Variants in UNC5A observed in about 807,000 individuals in gnomAD.
UNC5A encodes the protein unc-5 netrin receptor A.
A neutral mutation model predicts 87.4 loss-of-function variants in UNC5A; 20 were observed. The observed-to-expected ratio is 0.23, with a 90% CI of 0.16 to 0.33. The LOEUF (loss-of-function observed/expected upper bound fraction) is 0.33, where lower values mean the gene tolerates loss of function less well. UNC5A is among the 10% of genes least tolerant of loss of function. The pLI is 1.00. For missense variants in UNC5A, 844 were observed against 1,133.4 expected (o/e 0.74, Z 3.67); for synonymous variants, 438 against 482.3 (o/e 0.91, Z 1.20).
intron 1 of UNC5A, among the ~76,000 whole-genome samples, chr5:176,812,030 C>T (rs527266272): frequency 1.6e-4 from 25 of 152,232 alleles, no homozygotes; most frequent in Non-Finnish European, 3.5e-4. Flanking sequence ...CCTGACCGCC[C>T]GCCCCATCCT....
Position 176,875,664 on chromosome 5 carries a change from C to A in UNC5A, c.1378+1098C>A, listed in dbSNP as rs1216146514. On this transcript the variant is annotated intron_variant, in intron 8 of 14. Coordinates refer to ENST00000329542, the MANE Select transcript of UNC5A (RefSeq NM_133369.3). The surrounding 1 kb of genome is among the most constrained non-coding windows in gnomAD (Gnocchi z 5.2). Reference sequence around the variant, plus strand: ...CGAATCCCTTCTGGGCTCCCCTCTGCCCCCTGCAAAGCCCACATGATACCA... The same window carrying A: ...CGAATCCCTTCTGGGCTCCCCTCTGACCCCTGCAAAGCCCACATGATACCA... Among the ~76,000 whole-genome samples the A allele has an allele frequency of 1.3e-5, 2 of 152,220 alleles. No individual in the cohort carries two copies. The highest frequency in any genetic ancestry group is 2.9e-5 in the Non-Finnish European group (2 of 68,032).
chr5:176,826,636 C>CTTTTTTTTTTTTTTTTTTT (rs34466725), intron 1 of UNC5A, among the ~76,000 whole-genome samples: 1 of 72,744 alleles, frequency 1.4e-5, no homozygotes, highest in African/African-American at 4.5e-5. Flanking sequence ...AGTTTCCAAA[C>CTTTTTTTTTTTTTTTTTTT]TTTTTTTTTT....
intron 1 of UNC5A, among the ~76,000 whole-genome samples, chr5:176,818,136 T>C (rs1362581640): frequency 6.6e-6 from 1 of 152,192 alleles, no homozygotes; most frequent in African/African-American, 2.4e-5. Context: ...CCGGGCCCCC[T>C]GAGAAGTGGG....
At position 176,868,264 on chromosome 5, in the gene UNC5A, C is replaced by G. The variant is rs1396753722; in HGVS notation, c.427C>G (p.Arg143Gly). 6.2e-7 allele frequency: 1 copy of G among 1,613,294 alleles called. No individual in the cohort carries two copies. The highest frequency in any genetic ancestry group is 1.3e-5 in the African/African-American group (1 of 74,852). Residue 143 changes from arginine to glycine, a missense_variant, in exon 3 of 15, where the codon CGC becomes GGC. Physicochemically the swap from Arg to Gly is moderately radical, Grantham distance 125. Coordinates refer to ENST00000329542, the MANE Select transcript of UNC5A (RefSeq NM_133369.3). ...CACCAAGAGTCAGAAGGCCTACATC[C>G]GCATAGCCTGTGAGTCTAGGGCTGG... Reference protein sequence around the residue: ...GTTKSQKAYIRIAYLRKNFEQ... With the variant: ...GTTKSQKAYIGIAYLRKNFEQ...
intron 1 of UNC5A, among the ~76,000 whole-genome samples, chr5:176,851,152 A>G (rs1233498414): frequency 6.6e-6 from 1 of 152,250 alleles, no homozygotes; most frequent in East Asian, 1.9e-4. Flanking sequence ...GCAGGAACCC[A>G]TCGCTCTCGA....
Position 176,866,807 on chromosome 5 carries a change from T to C in UNC5A, c.293-1323T>C, listed in dbSNP as rs1021108257. On this transcript the variant is annotated intron_variant, in intron 2 of 14. Coordinates refer to ENST00000329542, the MANE Select transcript of UNC5A (RefSeq NM_133369.3). The surrounding 1 kb of genome is among the most constrained non-coding windows in gnomAD (Gnocchi z 5.0). ...CCCCACCCCCTGAGAGTGTCCACACTGGGTGTCTTAGAGAACGGGGCAGGT... is the reference window on the plus strand; with the variant it reads ...CCCCACCCCCTGAGAGTGTCCACACCGGGTGTCTTAGAGAACGGGGCAGGT... 7.8e-4 allele frequency among the ~76,000 whole-genome samples: 119 copies of C among 152,050 alleles called. 3 individuals are homozygous for C. The highest frequency in any genetic ancestry group is 7.5e-3 in the Admixed American group (114 of 15,286).
At chr5:176,877,103 C>T in intron 8 of UNC5A, 89 bp from the exon 9 acceptor site, 1 of 1,115,746 alleles carries the variant, frequency 9.0e-7, no homozygotes, top group Non-Finnish European at 1.3e-6. Flanking sequence ...CCAGTCAGTC[C>T]TCACAGGAAG....
At position 176,848,133 on chromosome 5, in the gene UNC5A, G is replaced by T. The variant is rs763623886; in HGVS notation, c.71-14491G>T. 1.3e-5 allele frequency among the ~76,000 whole-genome samples: 2 copies of T among 152,058 alleles called. No individual in the cohort carries two copies. Among genetic ancestry groups the T allele is most frequent in the Non-Finnish European group, 2.9e-5 (2 of 67,984 alleles). On this transcript the variant is annotated intron_variant, in intron 1 of 14. Transcript: ENST00000329542. The surrounding 1 kb of genome is among the most constrained non-coding windows in gnomAD (Gnocchi z 5.8). ...CCCACGCTGCGGCCTCCTCCAGGCT[G>T]GTTTCCTAGAGCACCCCTCCCCGCC...
chr5:176,832,644 G>C lies in UNC5A; in HGVS notation c.70+21824G>C, dbSNP rs114684187. Among the ~76,000 whole-genome samples, 1,305 of 152,314 alleles carry C rather than the reference G, an allele frequency of 8.6e-3. 6 individuals are homozygous for C. Among genetic ancestry groups the C allele is most frequent in the South Asian group, 0.021 (100 of 4,824 alleles). Reference sequence around the variant, plus strand: ...GAGGAAGCTCAGGTTGGGAAGCTAAGTTGGGTCCACCTTATACAAGGCCCT... The same window carrying C: ...GAGGAAGCTCAGGTTGGGAAGCTAACTTGGGTCCACCTTATACAAGGCCCT... On this transcript the variant is annotated intron_variant, in intron 1 of 14. Coordinates refer to ENST00000329542, the MANE Select transcript of UNC5A (RefSeq NM_133369.3).
chr5:176,818,134 C>T (rs1230295109), intron 1 of UNC5A, among the ~76,000 whole-genome samples: 1 of 152,216 alleles, frequency 6.6e-6, no homozygotes, highest in Non-Finnish European at 1.5e-5. Context: ...TCCCGGGCCC[C>T]CTGAGAAGTG....
chr5:176,868,604 G>A lies in UNC5A; in HGVS notation c.480G>A (p.Val160=), dbSNP rs1053028057. ...NFEQEPLAKE[V]SLEQGIVLPC... The stretch of plus-strand genomic sequence containing the variant: ...AGCAGGAGCCGCTGGCCAAGGAGGT[G>A]TCCCTGGAGCAGGGCATCGTGCTGC... The change falls in exon 4 of 15, where the codon GTG becomes GTA. Residue 160 remains valine (V), a synonymous_variant. Coordinates refer to ENST00000329542, the MANE Select transcript of UNC5A (RefSeq NM_133369.3). 2 of 1,607,382 alleles carry A rather than the reference G, an allele frequency of 1.2e-6. No individual in the cohort carries two copies. The highest frequency in any genetic ancestry group is 1.7e-4 in the Middle Eastern group (1 of 5,980).
chr5:176,872,868 G>A (rs2149368597), intron 6 of UNC5A, among the ~76,000 whole-genome samples: 1 of 107,366 alleles, frequency 9.3e-6, no homozygotes, highest in Non-Finnish European at 1.9e-5. Flanking sequence ...CAACACCACA[G>A]CTTCCCATCT....
rs772660247 is a variant in UNC5A, at chr5:176,874,292, G to A, written c.1104G>A (p.Pro368=). The change falls in exon 8 of 15, where the codon CCG becomes CCA. Residue 368 remains proline, a synonymous_variant. Transcript: ENST00000329542. The surrounding 1 kb of genome is among the most constrained non-coding windows in gnomAD (Gnocchi z 7.6). ...ACCCCCATCTGCTCACCATCCAGCC[G>A]GACCTCAGCACCACCACCACCACCT... is the stretch of plus-strand genomic sequence containing the variant. ...ADNPHLLTIQ[P]DLSTTTTTYQ... is the part of the protein sequence containing the mutation. The A allele has an allele frequency of 2.1e-5, 34 of 1,601,640 alleles. No homozygotes were observed. The African/African-American group carries it at 2.4e-4, about 11-fold the overall frequency.
rs1757367854 is a variant in UNC5A at position 176,844,979 on chromosome 5, G to A, written c.71-17645G>A. ...CACCTTATCAGAGGGCGGTGGTCTT[G>A]CCCTCCCCTGAGAGTGAGCAGTAGG... On this transcript the variant is annotated intron_variant, in intron 1 of 14. Transcript: ENST00000329542. The surrounding 1 kb of genome is among the most constrained non-coding windows in gnomAD (Gnocchi z 4.2). 6.6e-6 allele frequency among the ~76,000 whole-genome samples: 1 copy of A among 152,124 alleles called. No homozygotes were observed. Among genetic ancestry groups the A allele is most frequent in the South Asian group, 2.1e-4 (1 of 4,826 alleles).
At chr5:176,876,274 G>T (rs548776540) in intron 8 of UNC5A, among the ~76,000 whole-genome samples, 12 of 152,374 alleles carry the variant, frequency 7.9e-5, no homozygotes, top group African/African-American at 2.6e-4. Context: ...CCAGTGAAGG[G>T]AGCAGTGGCT....
At chr5:176,834,859 C>T (rs1757114439) in intron 1 of UNC5A, among the ~76,000 whole-genome samples, 2 of 152,184 alleles carry the variant, frequency 1.3e-5, no homozygotes, top group Non-Finnish European at 2.9e-5. Context: ...ACTCAATCTG[C>T]CACTGTCCCT....
rs114136032 is a variant in UNC5A, at chr5:176,832,392, C to T, written c.70+21572C>T. Among the ~76,000 whole-genome samples the T allele has an allele frequency of 8.5e-3, 1,301 of 152,292 alleles. 22 individuals carry two copies. Among genetic ancestry groups the T allele is most frequent in the African/African-American group, 0.029 (1,224 of 41,558 alleles). ...AGGACAATGGCAGGAGCAAAGTCCACGCCTGATCCAAGCTAGCTCTCGTAG... is the reference window on the plus strand; with the variant it reads ...AGGACAATGGCAGGAGCAAAGTCCATGCCTGATCCAAGCTAGCTCTCGTAG... On this transcript the variant is annotated intron_variant, in intron 1 of 14. Coordinates refer to ENST00000329542, the MANE Select transcript of UNC5A (RefSeq NM_133369.3).
rs1214328012 is a variant in UNC5A, at chr5:176,880,388, G to A, written c.*502G>A. The stretch of plus-strand genomic sequence containing the variant: ...ACAGCCGGACAGGGGGTAGCCCCTG[G>A]ATTCAGGCACACGACCACCACACGA... On this transcript the variant is annotated 3_prime_UTR_variant, in exon 15 of 15. Transcript: ENST00000329542. 6.5e-6 allele frequency: 1 copy of A among 154,568 alleles called. No individual in the cohort carries two copies. Among genetic ancestry groups the A allele is most frequent in the African/African-American group, 2.4e-5 (1 of 41,458 alleles). The allele number at this position is 154,568 out of a possible 1,614,324, so 9.6% of individuals were successfully genotyped here.
At chr5:176,840,105 C>T (rs1206025760) in intron 1 of UNC5A, among the ~76,000 whole-genome samples, 1 of 152,182 alleles carries the variant, frequency 6.6e-6, no homozygotes, top group Non-Finnish European at 1.5e-5. Context: ...AGTCAGCGCA[C>T]CTCGGCCTCC....
Sources: gnomAD v4.1 joint callset for allele counts (sites outside exome capture counted in the v4.1 genomes callset) on GRCh38, gnomAD v4.1.1 for gene constraint, Gnocchi (gnomAD v3.1) non-coding constraint, MANE v1.5 for transcripts, NCBI Gene and HGNC (gene_info 2026-07-23, HGNC 2026-07-21) for gene names.